TMEM59L: variants seen among roughly 807,000 people sequenced by gnomAD.
The protein encoded by TMEM59L is transmembrane protein 59-like.
Under a neutral mutation model 39.6 loss-of-function variants are expected in TMEM59L, and 31 were observed. The ratio of observed to expected loss-of-function variants is 0.78; its 90% CI spans 0.59 to 1.06. The LOEUF (loss-of-function observed/expected upper bound fraction) is 1.06. Among genes scored for constraint, TMEM59L ranks in the 50% least tolerant of loss-of-function variants. TMEM59L has a pLI of 0.00. For missense variants in TMEM59L, 441 were observed against 451.3 expected (o/e 0.98, Z 0.21); for synonymous variants, 219 against 202.9 (o/e 1.08, Z -0.68).
intron 3 of TMEM59L, among the ~76,000 whole-genome samples, chr19:18,614,735 G>T (rs545348204): frequency 6.6e-6 from 1 of 152,208 alleles, no homozygotes; most frequent in African/African-American, 2.4e-5. Context: ...GGCTTGCCTC[G>T]CAAGCACGCA....
intron 1 of TMEM59L, among the ~76,000 whole-genome samples, chr19:18,613,334 C>T (rs1313725376): frequency 1.3e-5 from 2 of 151,938 alleles, no homozygotes; most frequent in Non-Finnish European, 2.9e-5. Flanking sequence ...GGATGCAGGT[C>T]CTTGCGATAA....
At position 18,621,017 on chromosome 19, in the gene TMEM59L, G is replaced by A. The variant is rs974773930; in HGVS notation, c.*481G>A. 7 of 154,070 alleles carry A rather than the reference G, an allele frequency of 4.5e-5. No homozygotes were observed. The highest frequency in any genetic ancestry group is 6.4e-5 in the Admixed American group (1 of 15,522). 9.5% of individuals were successfully genotyped at this position (154,070 alleles called of 1,614,324 possible). A position where few individuals can be genotyped will look rare whatever the true frequency, so the allele number is the denominator to read the frequency against. On this transcript the variant is annotated 3_prime_UTR_variant, in exon 8 of 8. Coordinates refer to ENST00000262817, the MANE Select transcript of TMEM59L (RefSeq NM_012109.3). The stretch of plus-strand genomic sequence containing the variant: ...CTGGGGCTTGTCTGGGGCTGGGGAG[G>A]AATAAACCATGTATATAAAAGAGTT...
chr19:18,613,990 A>G lies in TMEM59L; in HGVS notation c.290A>G (p.Asn97Ser), dbSNP rs768039034. Residue 97 changes from asparagine to serine, a missense_variant, in exon 2 of 8, where the codon AAT becomes AGT. Physicochemically the swap from Asn to Ser is conservative, Grantham distance 46. Transcript: ENST00000262817. The stretch of plus-strand genomic sequence containing the variant: ...TTTGTGGCCAGAAGCTCCAAGCCCA[A>G]TGCCACCCAAACTGAGTGTGAAGCA... ...CRFVARSSKP[N>S]ATQTECEAAC... The G allele has an allele frequency of 1.6e-5, 26 of 1,613,286 alleles. No homozygotes were observed. The highest frequency in any genetic ancestry group is 1.2e-4 in the South Asian group (11 of 91,092).
In TMEM59L at chr19:18,616,897, T is replaced by C. The variant is rs1179903875; in HGVS notation, c.562-103T>C. On this transcript the variant is annotated intron_variant, in intron 4 of 7. Coordinates refer to ENST00000262817, the MANE Select transcript of TMEM59L (RefSeq NM_012109.3). ...GCCCACCCCTGATACCCAGGGGAAC[T>C]GGGTATCAGCTGGGCGTGGGACATG... The C allele has an allele frequency of 3.9e-5, 32 of 827,976 alleles. No individual in the cohort carries two copies. In the African/African-American group the frequency reaches 3.9e-4, roughly 10 times the overall value. 51.3% of individuals were successfully genotyped at this position (827,976 alleles called of 1,614,324 possible).
rs767301441 is a variant in TMEM59L, at chr19:18,618,480, C to T, written c.888C>T (p.His296=). Residue 296 remains histidine, a synonymous_variant, in exon 7 of 8, where the codon CAC becomes CAT. Coordinates refer to ENST00000262817, the MANE Select transcript of TMEM59L (RefSeq NM_012109.3). ...CCCTGGTGACCGCGCCTGGCCAGCA[C>T]CTCAAGTTCCAGGTGGGTGGGATCT... is the stretch of plus-strand genomic sequence containing the variant. ...CSTLVTAPGQ[H]LKFQPLTLEQ... is the part of the protein sequence containing the mutation. The T allele has an allele frequency of 6.2e-7, 1 of 1,602,552 alleles. No homozygotes were observed. The highest frequency in any genetic ancestry group is 8.5e-7 in the Non-Finnish European group (1 of 1,177,064).
chr19:18,616,228 G>A, intron 4 of TMEM59L, 101 bp downstream of exon 4: 1 of 1,435,624 alleles, frequency 7.0e-7, no homozygotes. Flanking sequence ...AAAGTCCACA[G>A]TGGGCGAGCT....
At chr19:18,617,436 C>T (rs926765611) in intron 5 of TMEM59L, 15 of 486,080 alleles carry the variant, frequency 3.1e-5, no homozygotes, top group Admixed American at 9.2e-5. Flanking sequence ...CCCAGGGTTC[C>T]GTGTTCCGCC....
intron 1 of TMEM59L, among the ~76,000 whole-genome samples, 190 bp from the exon 2 acceptor site, chr19:18,613,682 C>T (rs1976395056): frequency 6.6e-6 from 1 of 152,174 alleles, no homozygotes; most frequent in Non-Finnish European, 1.5e-5. Flanking sequence ...TCTCAAGCTC[C>T]CTCCCCATCT....
At chr19:18,617,905 C>T in intron 5 of TMEM59L, 1 of 555,536 alleles carries the variant, frequency 1.8e-6, no homozygotes, top group Non-Finnish European at 3.2e-6. Flanking sequence ...TTTGGTCTAT[C>T]TCTCAGGGTT....
intron 7 of TMEM59L, among the ~76,000 whole-genome samples, chr19:18,619,973 TCACACA>T (rs57681167): frequency 0.029 from 3,437 of 116,862 alleles, 138 homozygotes; most frequent in African/African-American, 0.089. Context: ...GAAGACCCCA[TCACACA>T]CACACACACA....
chr19:18,613,511 C>A (rs1253822640), intron 1 of TMEM59L, among the ~76,000 whole-genome samples: 2 of 151,772 alleles, frequency 1.3e-5, no homozygotes, highest in Non-Finnish European at 2.9e-5. Context: ...CATACCACCA[C>A]TCCCCAGGAT....
At chr19:18,617,636 G>C (rs756783666) in intron 5 of TMEM59L, 3 of 455,984 alleles carry the variant, frequency 6.6e-6, no homozygotes, top group Non-Finnish European at 8.8e-6. Context: ...ATCTCTCAGG[G>C]TTCCATGGTT....
rs3833879 is a variant in TMEM59L at position 18,620,862 on chromosome 19, CGG to C, written c.*333_*334del. ...TTTTTCCTTCTATGTCCCCTCTCTG[CGG>C]GGGGGGCGCTGAGGCTGAGGGGGAG... is the stretch of plus-strand genomic sequence containing the variant. On this transcript the variant is annotated 3_prime_UTR_variant, in exon 8 of 8. Transcript: ENST00000262817. The C allele has an allele frequency of 1.1e-5, 2 of 174,704 alleles. No individual in the cohort carries two copies. The highest frequency in any genetic ancestry group is 6.1e-5 in the Admixed American group (1 of 16,518). The allele number at this position is 174,704 out of a possible 1,614,324, so 10.8% of individuals were successfully genotyped here.
Position 18,614,209 on chromosome 19 carries a change from T to G in TMEM59L, c.408+14T>G, listed in dbSNP as rs1389253451. On this transcript the variant is annotated intron_variant, in intron 3 of 7. Transcript: ENST00000262817. ...CCGGAGCAGAAGGTGGGCCTCCCAC[T>G]GCGGCCTGGGGTCCCTTTTCCCAAT... The G allele has an allele frequency of 5.1e-6, 8 of 1,577,666 alleles. No individual in the cohort carries two copies. The highest frequency in any genetic ancestry group is 6.9e-6 in the Non-Finnish European group (8 of 1,165,068).
chr19:18,618,617 T>C lies in TMEM59L; in HGVS notation c.900+125T>C, dbSNP rs1976458151. ...CAGGACCTCAGACATTTTTTTCTTTTTTCATGTATATACATATATATACAT... is the reference window on the plus strand; with the variant it reads ...CAGGACCTCAGACATTTTTTTCTTTCTTCATGTATATACATATATATACAT... On this transcript the variant is annotated intron_variant, in intron 7 of 7. Coordinates refer to ENST00000262817, the MANE Select transcript of TMEM59L (RefSeq NM_012109.3). The C allele has an allele frequency of 1.6e-5, 11 of 690,998 alleles. No individual in the cohort carries two copies. In the South Asian group the frequency reaches 1.6e-4, roughly 10 times the overall value. 42.8% of individuals were successfully genotyped at this position (690,998 alleles called of 1,614,324 possible).
rs1017480396 is a variant in TMEM59L, at chr19:18,613,115, C to T, written c.157C>T (p.Pro53Ser). ...GCGGTGCCGCGACCGCGACCTCGGC[C>T]CGCAGCCCTCGCAGGTGAGGCGCGT... is the stretch of plus-strand genomic sequence containing the variant. ...QLRCRDRDLG[P>S]QPSQAGLEGA... The change falls in exon 1 of 8, where the codon CCG (proline) becomes TCG (serine). Residue 53 changes from proline to serine, a missense_variant. Coordinates refer to ENST00000262817, the MANE Select transcript of TMEM59L (RefSeq NM_012109.3). 1 of 1,300,662 alleles carries T rather than the reference C, an allele frequency of 7.7e-7. No individual in the cohort carries two copies. The highest frequency in any genetic ancestry group is 2.4e-5 in the South Asian group (1 of 42,516). The allele number at this position is 1,300,662 out of a possible 1,614,324, so 80.6% of individuals were successfully genotyped here. A position where few individuals can be genotyped will look rare whatever the true frequency, so the allele number is the denominator to read the frequency against.
intron 7 of TMEM59L, 106 bp from the exon 8 acceptor site, chr19:18,620,302 A>G (rs1218421027): frequency 4.8e-6 from 6 of 1,243,264 alleles, no homozygotes; most frequent in Non-Finnish European, 5.5e-6. Flanking sequence ...ACTCTCTCAA[A>G]AAAAGAAAAA....
intron 7 of TMEM59L, 134 bp downstream of exon 7, chr19:18,618,626 T>C (rs2145351115): frequency 3.4e-6 from 2 of 587,118 alleles, no homozygotes; most frequent in Admixed American, 3.0e-5. Flanking sequence ...TTTTCATGTA[T>C]ATACATATAT....
Position 18,613,869 on chromosome 19 carries a change from C to T in TMEM59L, c.172-3C>T, listed in dbSNP as rs576254642. On this transcript the variant is annotated splice_region_variant and splice_polypyrimidine_tract_variant and intron_variant, in intron 1 of 7. Transcript: ENST00000262817. ...CTGAGCCCCCTGTCCTCCCCTCCCC[C>T]AGGCGGGGCTGGAGGGCGCCTCCGA... 5.5e-5 allele frequency: 88 copies of T among 1,610,258 alleles called. No homozygotes were observed. Among genetic ancestry groups the T allele is most frequent in the East Asian group, 3.8e-4 (17 of 44,824 alleles).
Sources: allele counts gnomAD v4.1 joint callset (sites outside exome capture counted in the v4.1 genomes callset), GRCh38; gene constraint gnomAD v4.1.1; transcripts MANE v1.5; gene names NCBI Gene and HGNC (gene_info 2026-07-23, HGNC 2026-07-21).